Variants in ACSL1 observed in about 807,000 individuals in gnomAD.
The protein encoded by ACSL1 is long-chain-fatty-acid--CoA ligase 1.
In ACSL1, 41 loss-of-function variants were observed where a neutral mutation model predicts 98.4. The observed-to-expected ratio is 0.42, with a 90% CI of 0.32 to 0.54. The LOEUF (loss-of-function observed/expected upper bound fraction) is 0.54, where lower values mean the gene tolerates loss of function less well. Ranked by LOEUF, ACSL1 falls within the 20% of genes least tolerant of loss-of-function variation. The pLI is 0.13. For missense variants in ACSL1, 734 were observed against 883.1 expected (o/e 0.83, Z 2.14); for synonymous variants, 316 against 322.7 (o/e 0.98, Z 0.22).
intron 11 of ACSL1, 114 bp downstream of exon 11, chr4:184,770,285 T>C: frequency 6.5e-7 from 1 of 1,549,796 alleles, no homozygotes; most frequent in Non-Finnish European, 8.7e-7. Flanking sequence ...TGTGAGCAAG[T>C]GGTAAATATG....
chr4:184,793,582 A>T (rs572632439), intron 2 of ACSL1, among the ~76,000 whole-genome samples: 139 of 152,370 alleles, frequency 9.1e-4, no homozygotes, highest in Middle Eastern at 3.4e-3. Flanking sequence ...TGCCAGCCAT[A>T]GCAGTTAAAT....
chr4:184,775,315 AAAC>A (rs1765113706), intron 7 of ACSL1, among the ~76,000 whole-genome samples: 3 of 152,254 alleles, frequency 2.0e-5, no homozygotes, highest in Admixed American at 2.0e-4. Flanking sequence ...ATTTTAATAT[AAAC>A]TTTATATTAT....
At chr4:184,762,588 T>C (rs1763010320) in intron 16 of ACSL1, 65 bp from the exon 17 acceptor site, 1 of 1,393,310 alleles carries the variant, frequency 7.2e-7, no homozygotes, top group Admixed American at 1.7e-5. Flanking sequence ...AACTGGTGTG[T>C]GCATGTGTGT....
chr4:184,779,584 G>C (rs1369750508), intron 5 of ACSL1, among the ~76,000 whole-genome samples: 1 of 151,988 alleles, frequency 6.6e-6, no homozygotes, highest in South Asian at 2.1e-4. Flanking sequence ...CATCACCCAT[G>C]GTATTTTAAA....
At chr4:184,817,808 G>C (rs1772756219) in intron 1 of ACSL1, among the ~76,000 whole-genome samples, 1 of 152,132 alleles carries the variant, frequency 6.6e-6, no homozygotes, top group Non-Finnish European at 1.5e-5. Context: ...GACTGAGCCG[G>C]CCTCTCTGCA....
chr4:184,781,268 A>G (rs919084558), intron 4 of ACSL1, among the ~76,000 whole-genome samples: 3 of 150,592 alleles, frequency 2.0e-5, no homozygotes, highest in Admixed American at 2.0e-4. Flanking sequence ...ACATATAAAC[A>G]ATATGCAAAT....
At chr4:184,816,348 G>A (rs986236647) in intron 1 of ACSL1, among the ~76,000 whole-genome samples, 3 of 152,076 alleles carry the variant, frequency 2.0e-5, no homozygotes, top group African/African-American at 7.2e-5. Flanking sequence ...AGGTACTGGT[G>A]ACAACCACGA....
Position 184,766,058 on chromosome 4 carries a change from G to T in ACSL1, c.1264-72C>A, listed in dbSNP as rs1763555329. 4.9e-6 allele frequency: 7 copies of T among 1,436,382 alleles called. No homozygotes were observed. The highest frequency in any genetic ancestry group is 1.4e-5 in the African/African-American group (1 of 71,726). 89.0% of individuals were successfully genotyped at this position (1,436,382 alleles called of 1,614,324 possible). On this transcript the variant is annotated intron_variant, in intron 13 of 20. Coordinates refer to ENST00000281455, the MANE Select transcript of ACSL1 (RefSeq NM_001995.5). The surrounding 1 kb of genome is among the most constrained non-coding windows in gnomAD (Gnocchi z 4.8). Reference sequence around the variant, plus strand: ...AGTCGGCGGCCTCTCCGCCAAGGGGGCCTGCTTGGGACCCCGTTCCCTAAC... The same window carrying T: ...AGTCGGCGGCCTCTCCGCCAAGGGGTCCTGCTTGGGACCCCGTTCCCTAAC...
chr4:184,778,337 G>A (rs760824991), intron 5 of ACSL1, among the ~76,000 whole-genome samples: 2 of 152,178 alleles, frequency 1.3e-5, no homozygotes, highest in Admixed American at 6.5e-5. Context: ...TCTGAGTTTC[G>A]GTTTTTTCCC....
chr4:184,815,129 G>T (rs1420011322), intron 1 of ACSL1: 1 of 456,150 alleles, frequency 2.2e-6, no homozygotes, highest in East Asian at 6.9e-5. Context: ...GAATCTAGGG[G>T]AGGGAGAAAA....
chr4:184,808,759 T>C (rs1771739141), intron 1 of ACSL1, among the ~76,000 whole-genome samples: 1 of 152,174 alleles, frequency 6.6e-6, no homozygotes, highest in African/African-American at 2.4e-5. Flanking sequence ...GCTTAAGCCA[T>C]TCCCTTTTGA....
Position 184,757,938 on chromosome 4 carries a change from G to A in ACSL1, c.1783-18C>T. The A allele has an allele frequency of 6.2e-7, 1 of 1,603,522 alleles. No homozygotes were observed. Among genetic ancestry groups the A allele is most frequent in the East Asian group, 2.2e-5 (1 of 44,818 alleles). ...AGAAATGCCTTTAACACAGACAAAT[G>A]AGTTATTACATAGCTTGATCCAAAT... On this transcript the variant is annotated intron_variant, in intron 18 of 20. Transcript: ENST00000281455. The surrounding 1 kb of genome is among the most constrained non-coding windows in gnomAD (Gnocchi z 4.5).
intron 2 of ACSL1, among the ~76,000 whole-genome samples, chr4:184,792,454 G>A (rs72695645): frequency 0.1 from 15,258 of 151,644 alleles, 952 homozygotes; most frequent in Non-Finnish European, 0.14. Context: ...TTTTTTTCCC[G>A]AAACAGGGGC....
At chr4:184,789,871 G>A (rs545525925) in intron 2 of ACSL1, among the ~76,000 whole-genome samples, 5 of 127,938 alleles carry the variant, frequency 3.9e-5, no homozygotes, top group Admixed American at 9.1e-5. Flanking sequence ...TGACTATGAC[G>A]TTAGAGCCTA....
At chr4:184,820,458 T>G (rs1411508022) in intron 1 of ACSL1, among the ~76,000 whole-genome samples, 1 of 152,184 alleles carries the variant, frequency 6.6e-6, no homozygotes, top group African/African-American at 2.4e-5. Flanking sequence ...AATCAAAATT[T>G]GTGGTCTCTT....
chr4:184,761,544 T>C (rs7658194), intron 17 of ACSL1, among the ~76,000 whole-genome samples: 1 of 152,230 alleles, frequency 6.6e-6, no homozygotes, highest in Non-Finnish European at 1.5e-5. Context: ...ACTCTTAAGA[T>C]AGACTCTTCA....
rs755845769 is a variant in ACSL1, at chr4:184,766,645, G to A, written c.1240C>T (p.Arg414Trp). 14 of 1,613,984 alleles carry A rather than the reference G, an allele frequency of 8.7e-6. No homozygotes were observed. The highest frequency in any genetic ancestry group is 1.1e-5 in the South Asian group (1 of 91,078). ...ACCTGTACTTTGTGGAAGATCAGCC[G>A]GTCCCACAGGCTGTTGTTTCTGATG... ...GIIRNNSLWD[R>W]LIFHKVQSSL... Residue 414 changes from arginine (R) to tryptophan (W), a missense_variant, in exon 13 of 21, where the codon CGG becomes TGG. By Grantham distance (101) the Arg-to-Trp change is moderately radical. Transcript: ENST00000281455. The surrounding 1 kb of genome is among the most constrained non-coding windows in gnomAD (Gnocchi z 4.8).
At chr4:184,763,707 T>C (rs986202837) in intron 15 of ACSL1, among the ~76,000 whole-genome samples, 3 of 152,226 alleles carry the variant, frequency 2.0e-5, no homozygotes, top group Admixed American at 6.5e-5. Flanking sequence ...ACGGCCTTTA[T>C]TTCCTTGCGT....
At chr4:184,779,354 T>A (rs899673018) in intron 5 of ACSL1, among the ~76,000 whole-genome samples, 2 of 152,178 alleles carry the variant, frequency 1.3e-5, no homozygotes, top group South Asian at 2.1e-4. Flanking sequence ...ATGTAAGAAG[T>A]GCCTTTCACC....
Sources: gnomAD v4.1 joint callset for allele counts (sites outside exome capture counted in the v4.1 genomes callset) on GRCh38, gnomAD v4.1.1 for gene constraint, Gnocchi (gnomAD v3.1) non-coding constraint, MANE v1.5 for transcripts, NCBI Gene and HGNC (gene_info 2026-07-23, HGNC 2026-07-21) for gene names.